The following LANCL1 variants were observed in gnomAD, a reference collection of about 807,000 sequenced individuals.
The protein encoded by LANCL1 is glutathione S-transferase LANCL1.
In LANCL1, 50 loss-of-function variants were observed where a neutral mutation model predicts 50.6. That is an observed-to-expected ratio of 0.99 (90% CI 0.79 to 1.25). LANCL1 has a LOEUF of 1.25. LANCL1 is among the 50% of genes most tolerant of loss of function. LANCL1 has a pLI of 0.00. For missense variants in LANCL1, 532 were observed against 480.7 expected (o/e 1.11, Z -1.00); for synonymous variants, 188 against 178.6 (o/e 1.05, Z -0.42).
At position 210,464,823 on chromosome 2, in the gene LANCL1, G is replaced by A. The variant is rs994400624; in HGVS notation, c.199+7136C>T. Among the ~76,000 whole-genome samples the A allele has an allele frequency of 8.0e-5, 12 of 150,266 alleles. 1 individual carries two copies. Among genetic ancestry groups the A allele is most frequent in the South Asian group, 6.3e-4 (3 of 4,778 alleles). ...CTACTAAAAATACAAAAAATTAGCCGGGTGCGGTGGCGGGCGCCTGTAGTC... is the reference window on the plus strand; with the variant it reads ...CTACTAAAAATACAAAAAATTAGCCAGGTGCGGTGGCGGGCGCCTGTAGTC... On this transcript the variant is annotated intron_variant, in intron 3 of 9. Coordinates refer to ENST00000450366, the MANE Select transcript of LANCL1 (RefSeq NM_006055.3).
At chr2:210,462,626 G>A in intron 3 of LANCL1, among the ~76,000 whole-genome samples, 1 of 152,076 alleles carries the variant, frequency 6.6e-6, no homozygotes, top group Non-Finnish European at 1.5e-5. Context: ...TTTCTATCCT[G>A]AAACCATGCT....
intron 9 of LANCL1, among the ~76,000 whole-genome samples, chr2:210,435,169 C>G (rs1258494820): frequency 6.6e-6 from 1 of 152,100 alleles, no homozygotes; most frequent in Non-Finnish European, 1.5e-5. Flanking sequence ...CAACATGTGC[C>G]TGGCTCCATA....
At chr2:210,443,232 C>CT (rs1693200245) in intron 4 of LANCL1, among the ~76,000 whole-genome samples, 5 of 152,138 alleles carry the variant, frequency 3.3e-5, no homozygotes, top group Admixed American at 3.3e-4. Flanking sequence ...AGTTTGACCT[C>CT]TGAGAATGTT....
intron 9 of LANCL1, 62 bp from the exon 10 acceptor site, chr2:210,434,625 C>T: frequency 7.7e-7 from 1 of 1,302,816 alleles, no homozygotes; most frequent in South Asian, 1.2e-5. Context: ...TAGGATGGTT[C>T]TTTTTCCCCC....
chr2:210,432,189 G>A lies in LANCL1; in HGVS notation c.*2298C>T, dbSNP rs1692767477. On this transcript the variant is annotated 3_prime_UTR_variant, in exon 10 of 10. Coordinates refer to ENST00000450366, the MANE Select transcript of LANCL1 (RefSeq NM_006055.3). ...TTAGGGGATTGTCTCAGCGTTGTAG[G>A]CTTTGCCTGAATTTAAAATCCCATC... The A allele has an allele frequency of 6.6e-6, 1 of 152,096 alleles. No homozygotes were observed. The highest frequency in any genetic ancestry group is 6.6e-5 in the Admixed American group (1 of 15,256). The allele number at this position is 152,096 out of a possible 1,614,324, so 9.4% of individuals were successfully genotyped here.
intron 4 of LANCL1, among the ~76,000 whole-genome samples, chr2:210,448,299 C>T (rs1693406778): frequency 6.6e-6 from 1 of 152,074 alleles, no homozygotes. Flanking sequence ...TTCTTTGAAA[C>T]CAATGAAAAC....
upstream of LANCL1, chr2:210,477,414 T>A (rs3755182): frequency 1.3e-6 from 1 of 760,562 alleles, no homozygotes; most frequent in Admixed American, 4.9e-5. Flanking sequence ...CCCTGCTATC[T>A]GAAACATTTT....
At chr2:210,465,301 A>G (rs1034298937) in intron 3 of LANCL1, among the ~76,000 whole-genome samples, 1 of 152,250 alleles carries the variant, frequency 6.6e-6, no homozygotes, top group Non-Finnish European at 1.5e-5. Context: ...AACCTTGAAT[A>G]ACACCATGGG....
intron 2 of LANCL1, among the ~76,000 whole-genome samples, chr2:210,473,154 T>A (rs1419776917): frequency 6.6e-6 from 1 of 152,186 alleles, no homozygotes; most frequent in Non-Finnish European, 1.5e-5. Context: ...GGTGGGCGGA[T>A]AACCTGAGGT....
In LANCL1 at chr2:210,445,188, G is replaced by C. The variant is rs149615078; in HGVS notation, c.408-3745C>G. On this transcript the variant is annotated intron_variant, in intron 4 of 9. Coordinates refer to ENST00000450366, the MANE Select transcript of LANCL1 (RefSeq NM_006055.3). ...CTGTAATTTTTTTTAAACACATACT[G>C]TTCTATGGAAGTATTACACCGAATT... 2.0e-5 allele frequency among the ~76,000 whole-genome samples: 3 copies of C among 152,058 alleles called. No individual in the cohort carries two copies. In the East Asian group the frequency reaches 5.8e-4, roughly 29 times the overall value.
intron 2 of LANCL1, among the ~76,000 whole-genome samples, 196 bp from the exon 3 acceptor site, chr2:210,472,272 T>C (rs549262714): frequency 6.6e-6 from 1 of 152,356 alleles, no homozygotes; most frequent in South Asian, 2.1e-4. Context: ...TTGTAACTTA[T>C]ACATGTTTTA....
At chr2:210,452,566 T>G (rs1209861346) in intron 4 of LANCL1, among the ~76,000 whole-genome samples, 1 of 152,142 alleles carries the variant, frequency 6.6e-6, no homozygotes, top group East Asian at 1.9e-4. Flanking sequence ...TTTGGGGAGT[T>G]ATAGATCCCT....
chr2:210,453,141 C>A (rs899915317), intron 4 of LANCL1, among the ~76,000 whole-genome samples: 1 of 152,138 alleles, frequency 6.6e-6, no homozygotes, highest in Admixed American at 6.5e-5. Context: ...TATTCACATA[C>A]TATATTTTTA....
chr2:210,445,105 A>C (rs77018341), intron 4 of LANCL1, among the ~76,000 whole-genome samples: 2 of 152,148 alleles, frequency 1.3e-5, no homozygotes, highest in South Asian at 4.1e-4. Context: ...TAGAAGTTCA[A>C]TATAAAGTAC....
intron 4 of LANCL1, among the ~76,000 whole-genome samples, chr2:210,444,852 T>TAC (rs1023808713): frequency 2.7e-4 from 41 of 152,072 alleles, no homozygotes; most frequent in Non-Finnish European, 5.4e-4. Flanking sequence ...CATATATATC[T>TAC]ACACACACAC....
chr2:210,437,172 G>A (rs1484296131), intron 7 of LANCL1, among the ~76,000 whole-genome samples: 1 of 152,078 alleles, frequency 6.6e-6, no homozygotes, highest in Non-Finnish European at 1.5e-5. Flanking sequence ...CACTACAATG[G>A]AATCATACAA....
intron 2 of LANCL1, among the ~76,000 whole-genome samples, chr2:210,475,204 A>T (rs1182356476): frequency 6.6e-6 from 1 of 152,248 alleles, no homozygotes; most frequent in Non-Finnish European, 1.5e-5. Context: ...TTTGACAGGG[A>T]TGAAATCTGT....
In LANCL1 at chr2:210,476,418, G is replaced by C; in HGVS notation, c.-16-6C>G. 6.2e-7 allele frequency: 1 copy of C among 1,611,820 alleles called. No individual in the cohort carries two copies. The highest frequency in any genetic ancestry group is 1.1e-5 in the South Asian group (1 of 90,848). ...CCATGACGCCGGAAGCAAGCCTGCA[G>C]AACAGGGGAAAAACAGAAACTAGGT... is the stretch of plus-strand genomic sequence containing the variant. On this transcript the variant is annotated splice_region_variant and splice_polypyrimidine_tract_variant and intron_variant, in intron 1 of 9. Coordinates refer to ENST00000450366, the MANE Select transcript of LANCL1 (RefSeq NM_006055.3).
chr2:210,464,791 C>G (rs569367189), intron 3 of LANCL1, among the ~76,000 whole-genome samples: 14 of 149,360 alleles, frequency 9.4e-5, no homozygotes, highest in South Asian at 4.2e-4. Context: ...AAGGTGAAAC[C>G]CCGTCTCTAC....
Sources: allele counts gnomAD v4.1 joint callset (sites outside exome capture counted in the v4.1 genomes callset), GRCh38; gene constraint gnomAD v4.1.1; transcripts MANE v1.5; gene names NCBI Gene and HGNC (gene_info 2026-07-23, HGNC 2026-07-21).